Variants in TRAF1 observed in about 807,000 individuals in gnomAD.
TRAF1 encodes the protein TNF receptor-associated factor 1.
In TRAF1, 23 loss-of-function variants were observed where a neutral mutation model predicts 40.9. The observed-to-expected ratio is 0.56, with a 90% CI of 0.40 to 0.80. TRAF1 has a LOEUF of 0.80. TRAF1 is among the 30% of genes least tolerant of loss of function. TRAF1 has a pLI of 0.00. For synonymous variants in TRAF1, 206 were observed against 218.8 expected (o/e 0.94, Z 0.52); for missense variants, 477 against 528.7 (o/e 0.90, Z 0.96).
intron 7 of TRAF1, among the ~76,000 whole-genome samples, chr9:120,908,310 T>C (rs937548867): frequency 6.6e-6 from 1 of 152,192 alleles, no homozygotes; most frequent in Non-Finnish European, 1.5e-5. Context: ...CTGTTAATCA[T>C]ACACTAAACG....
chr9:120,908,228 T>G (rs1250421716), intron 7 of TRAF1, among the ~76,000 whole-genome samples: 1 of 152,290 alleles, frequency 6.6e-6, no homozygotes, highest in Non-Finnish European at 1.5e-5. Flanking sequence ...ATCTAAAAAA[T>G]TTTTTAACTT....
At position 120,913,559 on chromosome 9, in the gene TRAF1, C is replaced by G; in HGVS notation, c.474G>C (p.Gly158=). 1 of 1,613,958 alleles carries G rather than the reference C, an allele frequency of 6.2e-7. No homozygotes were observed. Among genetic ancestry groups the G allele is most frequent in the Non-Finnish European group, 8.5e-7 (1 of 1,179,982 alleles). The change falls in exon 5 of 8, where the codon GGG becomes GGC. Residue 158 remains glycine, a synonymous_variant. Coordinates refer to ENST00000373887, the MANE Select transcript of TRAF1 (RefSeq NM_005658.5). The part of the protein sequence containing the change: ...LQLQAAVEVA[G]DLEVDCYRAP... The stretch of plus-strand genomic sequence containing the variant: ...CCCGGTAGCAATCGACCTCCAGGTC[C>G]CCCGCCACTTCCACGGCTGCCTGCA...
chr9:120,926,056 C>T lies in TRAF1; in HGVS notation c.20G>A (p.Ser7Asn). The T allele has an allele frequency of 2.5e-6, 4 of 1,597,684 alleles. No individual in the cohort carries two copies. The highest frequency in any genetic ancestry group is 3.4e-6 in the Non-Finnish European group (4 of 1,172,000). The change falls in exon 2 of 8, where the codon AGC becomes AAC. Residue 7 changes from serine (S) to asparagine (N), a missense_variant. Transcript: ENST00000373887. ...CTCATCAGGGGCCGGGCGAGGACTG[C>T]TGCCTGAGCTGGAGGCCATCTCAGG... The part of the protein sequence containing the change: MASSSG[S>N]SPRPAPDENE...
At chr9:120,928,937 G>A (rs1474103337), upstream of TRAF1, among the ~76,000 whole-genome samples, 1 of 151,500 alleles carries the variant, frequency 6.6e-6, no homozygotes, top group African/African-American at 2.4e-5. Context: ...GGGCGCCCGC[G>A]GCTGGGCTGG....
upstream of TRAF1, chr9:120,927,270 CT>C (rs1487420572): frequency 6.6e-6 from 1 of 152,138 alleles, no homozygotes. Context: ...TCTTTCCATC[CT>C]GCTTGGCTGC....
chr9:120,905,234 G>C lies in TRAF1; in HGVS notation c.1037C>G (p.Thr346Ser). 6.2e-7 allele frequency: 1 copy of C among 1,607,640 alleles called. No individual in the cohort carries two copies. The highest frequency in any genetic ancestry group is 1.3e-5 in the African/African-American group (1 of 74,962). Residue 346 changes from threonine to serine, a missense_variant, in exon 8 of 8, where the codon ACC becomes AGC. Thr to Ser is a moderately conservative substitution (Grantham distance 58). Coordinates refer to ENST00000373887, the MANE Select transcript of TRAF1 (RefSeq NM_005658.5). ...LLPWPFRNKVTFMLLDQNNRE... is the reference protein window; with the variant it reads ...LLPWPFRNKVSFMLLDQNNRE... Reference sequence around the variant, plus strand: ...GTTGTTCTGGTCCAGCAGCATGAAGGTGACCTGCAGGGAAGGGATAGGTGG... The same window carrying C: ...GTTGTTCTGGTCCAGCAGCATGAAGCTGACCTGCAGGGAAGGGATAGGTGG...
intron 7 of TRAF1, among the ~76,000 whole-genome samples, chr9:120,905,512 G>C (rs2046474196): frequency 6.6e-6 from 1 of 152,234 alleles, no homozygotes; most frequent in South Asian, 2.1e-4. Flanking sequence ...AGGAAGCAGG[G>C]GAAGGTTCTG....
Position 120,923,808 on chromosome 9 carries a change from C to G in TRAF1, c.141-16G>C. On this transcript the variant is annotated splice_polypyrimidine_tract_variant and intron_variant, in intron 2 of 7. Coordinates refer to ENST00000373887, the MANE Select transcript of TRAF1 (RefSeq NM_005658.5). ...CTCGCCATTCCTGGGGAAACATGGA[C>G]AAAGCCTTGGAGAGAGGCACTACAG... The G allele has an allele frequency of 1.9e-6, 3 of 1,613,536 alleles. No individual in the cohort carries two copies. Among genetic ancestry groups the G allele is most frequent in the Non-Finnish European group, 2.5e-6 (3 of 1,179,532 alleles).
intron 5 of TRAF1, 113 bp downstream of exon 5, chr9:120,913,215 G>T: frequency 7.6e-7 from 1 of 1,313,892 alleles, no homozygotes; most frequent in Non-Finnish European, 1.0e-6. Flanking sequence ...GATACGTTTT[G>T]ATGGAGTGAC....
chr9:120,911,617 C>A, intron 5 of TRAF1, 104 bp from the exon 6 acceptor site: 1 of 1,330,320 alleles, frequency 7.5e-7, no homozygotes. Flanking sequence ...GTTTTGCTGA[C>A]CACGCCTCAC....
Position 120,910,753 on chromosome 9 carries a change from G to C in TRAF1, c.883+583C>G, listed in dbSNP as rs956074353. On this transcript the variant is annotated intron_variant, in intron 6 of 7. Coordinates refer to ENST00000373887, the MANE Select transcript of TRAF1 (RefSeq NM_005658.5). ...CTGTTATATTAACAGATATCATTTA[G>C]TTAAGAGAAACACTTGCCAAGTAAT... Among the ~76,000 whole-genome samples, 3 of 152,224 alleles carry C rather than the reference G, an allele frequency of 2.0e-5. No individual in the cohort carries two copies. In the South Asian group the frequency reaches 6.2e-4, roughly 32 times the overall value.
At position 120,909,293 on chromosome 9, in the gene TRAF1, C is replaced by T. The variant is rs746395490; in HGVS notation, c.969G>A (p.Ser323=). 32 of 1,614,044 alleles carry T rather than the reference C, an allele frequency of 2.0e-5. No individual in the cohort carries two copies. Among genetic ancestry groups the T allele is most frequent in the South Asian group, 1.9e-4 (17 of 91,090 alleles). ...GDGTGKRTHL[S]LFIVIMRGEY... The stretch of plus-strand genomic sequence containing the variant: ...CCCCTCTCATGATCACGATGAAGAG[C>T]GACAGATGGGTTCTCTTTCCAGTGC... The change falls in exon 7 of 8, where the codon TCG becomes TCA. Residue 323 remains serine, a synonymous_variant. Coordinates refer to ENST00000373887, the MANE Select transcript of TRAF1 (RefSeq NM_005658.5).
chr9:120,924,249 T>C (rs2046623889), intron 2 of TRAF1, among the ~76,000 whole-genome samples: 1 of 152,162 alleles, frequency 6.6e-6, no homozygotes, highest in South Asian at 2.1e-4. Context: ...CATTTGGTCC[T>C]CCATTTGGTT....
At chr9:120,928,729 T>A (rs2046656441), upstream of TRAF1, 1 of 152,232 alleles carries the variant, frequency 6.6e-6, no homozygotes, top group South Asian at 2.1e-4. Flanking sequence ...CCCCGCTCTG[T>A]GATTCCTCGC....
In TRAF1 at chr9:120,911,507, C is replaced by T; in HGVS notation, c.712G>A (p.Glu238Lys). 6.2e-7 allele frequency: 1 copy of T among 1,611,198 alleles called. No individual in the cohort carries two copies. Among genetic ancestry groups the T allele is most frequent in the Non-Finnish European group, 8.5e-7 (1 of 1,178,496 alleles). The change falls in exon 6 of 8, where the codon GAG (glutamate) becomes AAG (lysine). Residue 238 changes from glutamate to lysine, a missense_variant. By Grantham distance (56) the Glu-to-Lys change is moderately conservative (BLOSUM62 1). Coordinates refer to ENST00000373887, the MANE Select transcript of TRAF1 (RefSeq NM_005658.5). ...TTCTGGGCCAGGGTCTGCTGAAGCT[C>T]CACCACCTGTAGGGAAGACTGTTCA... Reference protein sequence around the residue: ...RILSLEQRVVELQQTLAQKDQ... With the variant: ...RILSLEQRVVKLQQTLAQKDQ...
Position 120,911,327 on chromosome 9 carries a change from A to G in TRAF1, c.883+9T>C, listed in dbSNP as rs113268406. 5.6e-6 allele frequency: 9 copies of G among 1,611,298 alleles called. No individual in the cohort carries two copies. Among genetic ancestry groups the G allele is most frequent in the African/African-American group, 5.3e-5 (4 of 75,008 alleles). ...CCAGGCAGGTCTCTGTGCCCCTGGG[A>G]GGTGTTACCTGGGGAGAAGAGGCTG... On this transcript the variant is annotated intron_variant, in intron 6 of 7. Coordinates refer to ENST00000373887, the MANE Select transcript of TRAF1 (RefSeq NM_005658.5).
At chr9:120,912,331 G>A (rs2046533936) in intron 5 of TRAF1, among the ~76,000 whole-genome samples, 1 of 152,192 alleles carries the variant, frequency 6.6e-6, no homozygotes. Flanking sequence ...TACTGCAAAA[G>A]AAGCAACATT....
intron 3 of TRAF1, among the ~76,000 whole-genome samples, chr9:120,918,518 A>T (rs2046583906): frequency 6.6e-6 from 1 of 152,028 alleles, no homozygotes; most frequent in South Asian, 2.1e-4. Flanking sequence ...CCCAGTCCCA[A>T]TCCCTCAGTG....
In TRAF1 at chr9:120,911,244, T is replaced by C. The variant is rs974749757; in HGVS notation, c.883+92A>G. On this transcript the variant is annotated intron_variant, in intron 6 of 7. Coordinates refer to ENST00000373887, the MANE Select transcript of TRAF1 (RefSeq NM_005658.5). ...TGGCCTAAACTGGACACAGCGTGTC[T>C]GTCACAGAGCTGGCAGTTTTCACTG... is the stretch of plus-strand genomic sequence containing the variant. 1.1e-5 allele frequency: 16 copies of C among 1,424,842 alleles called. No individual in the cohort carries two copies. The East Asian group carries it at 3.4e-4, about 31-fold the overall frequency. 88.3% of individuals were successfully genotyped at this position (1,424,842 alleles called of 1,614,324 possible).
Sources: allele counts gnomAD v4.1 joint callset (sites outside exome capture counted in the v4.1 genomes callset), GRCh38; gene constraint gnomAD v4.1.1; transcripts MANE v1.5; gene names NCBI Gene and HGNC (gene_info 2026-07-23, HGNC 2026-07-21).